The following PPP1R1C variants were observed in gnomAD, a reference collection of about 807,000 sequenced individuals.
PPP1R1C encodes protein phosphatase 1 regulatory subunit 1C.
PPP1R1C carries 15 observed loss-of-function variants against 17.4 expected under a neutral mutation model. That is an observed-to-expected ratio of 0.86 (90% CI 0.58 to 1.33). PPP1R1C has a LOEUF of 1.33. Ranked by LOEUF, PPP1R1C falls within the 40% of genes most tolerant of loss-of-function variation. PPP1R1C has a pLI of 0.00. For missense variants in PPP1R1C, 143 were observed against 130.0 expected, an observed-to-expected ratio of 1.10 and a Z score of -0.48; for synonymous variants, 35 against 43.1, an observed-to-expected ratio of 0.81 and a Z score of 0.73.
chr2:181,974,538 T>G (rs1286053264), intron 1 of PPP1R1C, among the ~76,000 whole-genome samples: 1 of 152,208 alleles, frequency 6.6e-6, no homozygotes, highest in Non-Finnish European at 1.5e-5. Flanking sequence ...TTGGTATCCA[T>G]TCTGAGATTG....
At chr2:182,013,699 G>T (rs1485439957) in intron 2 of PPP1R1C, among the ~76,000 whole-genome samples, 1 of 151,946 alleles carries the variant, frequency 6.6e-6, no homozygotes. Flanking sequence ...TCTAGATCTT[G>T]CAGGCATGCT....
intron 2 of PPP1R1C, among the ~76,000 whole-genome samples, chr2:182,060,931 A>G (rs1487877453): frequency 6.6e-6 from 1 of 152,156 alleles, no homozygotes; most frequent in Non-Finnish European, 1.5e-5. Flanking sequence ...CCACCCAAGC[A>G]CTGTCATAAG....
chr2:182,011,004 T>C (rs1686074548), intron 2 of PPP1R1C, among the ~76,000 whole-genome samples: 1 of 152,156 alleles, frequency 6.6e-6, no homozygotes, highest in Admixed American at 6.5e-5. Flanking sequence ...CTTTTTAATG[T>C]GTTATTGAAT....
At chr2:182,065,905 T>C (rs182644424) in intron 4 of PPP1R1C, among the ~76,000 whole-genome samples, 5 of 152,292 alleles carry the variant, frequency 3.3e-5, no homozygotes, top group African/African-American at 1.2e-4. Flanking sequence ...ATGTCAGTTA[T>C]ACCTGTTATT....
intron 4 of PPP1R1C, among the ~76,000 whole-genome samples, chr2:182,073,008 C>T (rs1688183768): frequency 2.0e-5 from 3 of 152,222 alleles, no homozygotes; most frequent in South Asian, 2.1e-4. Flanking sequence ...CCTGCCTTGC[C>T]TCCGGCCACA....
rs56334736 is a variant in PPP1R1C, at chr2:182,050,208, C to T, written c.143-11234C>T. On this transcript the variant is annotated intron_variant, in intron 2 of 4. Coordinates refer to ENST00000682840, the MANE Select transcript of PPP1R1C (RefSeq NM_001080545.3). ...GCAAGTTTTTTGTTTGTTTACTTTC[C>T]TAGTTTTATATAGATTATCCCCTAT... Among the ~76,000 whole-genome samples, 176 of 152,240 alleles carry T rather than the reference C, an allele frequency of 1.2e-3. 1 individual carries two copies. The highest frequency in any genetic ancestry group is 3.4e-3 in the Middle Eastern group (1 of 294).
chr2:181,996,026 A>G (rs947027761), intron 2 of PPP1R1C, among the ~76,000 whole-genome samples: 2 of 152,184 alleles, frequency 1.3e-5, no homozygotes, highest in African/African-American at 4.8e-5. Context: ...GCTCCATCCA[A>G]GGCTTTCAAA....
chr2:181,981,449 A>G (rs1559044248), upstream of PPP1R1C, among the ~76,000 whole-genome samples: 1 of 152,204 alleles, frequency 6.6e-6, no homozygotes, highest in African/African-American at 2.4e-5. Flanking sequence ...GCATGGTTGA[A>G]CTTATAGGAC....
Position 182,063,747 on chromosome 2 carries a change from C to G in PPP1R1C, c.197C>G (p.Pro66Arg). 1 of 1,612,814 alleles carries G rather than the reference C, an allele frequency of 6.2e-7. No homozygotes were observed. Among genetic ancestry groups the G allele is most frequent in the Non-Finnish European group, 8.5e-7 (1 of 1,179,084 alleles). Residue 66 changes from proline (P) to arginine (R), a missense_variant, in exon 4 of 5, where the codon CCT becomes CGT. Physicochemically the swap from Pro to Arg is moderately radical, Grantham distance 103 (BLOSUM62 -2). Transcript: ENST00000682840. ...TCTCCACAGTTACAGAATGCATCCC[C>G]TAAGCAAAGGAAGCAGAGTGTGTAC... is the stretch of plus-strand genomic sequence containing the variant. ...NTQGELQNAS[P>R]KQRKQSVYTP...
In PPP1R1C at chr2:182,067,609, C is replaced by G. The variant is rs1300266620; in HGVS notation, c.241+3818C>G. On this transcript the variant is annotated intron_variant, in intron 4 of 4. Coordinates refer to ENST00000682840, the MANE Select transcript of PPP1R1C (RefSeq NM_001080545.3). The stretch of plus-strand genomic sequence containing the variant: ...TGGCGGACAAGCCATCACGGTTCCA[C>G]CCTCAATGCCACCACTTATTAGCTG... 5.9e-5 allele frequency among the ~76,000 whole-genome samples: 9 copies of G among 152,282 alleles called. No homozygotes were observed. The East Asian group carries it at 1.7e-3, about 29-fold the overall frequency.
intron 2 of PPP1R1C, among the ~76,000 whole-genome samples, chr2:182,051,957 C>T (rs758004003): frequency 6.6e-6 from 1 of 151,516 alleles, no homozygotes; most frequent in Non-Finnish European, 1.5e-5. Context: ...CCGCTGAGAT[C>T]GCGCCGTTGC....
chr2:182,035,372 T>G (rs978648119), intron 2 of PPP1R1C, among the ~76,000 whole-genome samples: 5 of 152,246 alleles, frequency 3.3e-5, no homozygotes, highest in Non-Finnish European at 5.9e-5. Flanking sequence ...ACTGTAAGCC[T>G]CTAACAAATC....
At chr2:182,072,112 G>A (rs894051771) in intron 4 of PPP1R1C, among the ~76,000 whole-genome samples, 1 of 152,198 alleles carries the variant, frequency 6.6e-6, no homozygotes, top group Non-Finnish European at 1.5e-5. Flanking sequence ...GTCCATTAAT[G>A]TAGGCGCTAT....
At chr2:182,083,894 C>T (rs1235858676) in intron 4 of PPP1R1C, among the ~76,000 whole-genome samples, 9 of 152,056 alleles carry the variant, frequency 5.9e-5, no homozygotes, top group Admixed American at 2.6e-4. Context: ...AGTGTATAAG[C>T]GTTCTCTTTC....
intron 4 of PPP1R1C, among the ~76,000 whole-genome samples, chr2:182,087,833 TG>T (rs1688672629): frequency 6.6e-6 from 1 of 152,222 alleles, no homozygotes. Context: ...TATTTTTCTT[TG>T]TTGCTCAAAA....
At chr2:182,081,978 T>G (rs1688493719) in intron 4 of PPP1R1C, among the ~76,000 whole-genome samples, 1 of 152,208 alleles carries the variant, frequency 6.6e-6, no homozygotes, top group Non-Finnish European at 1.5e-5. Context: ...CATACCTCCC[T>G]ATGCCTATTT....
intron 2 of PPP1R1C, among the ~76,000 whole-genome samples, chr2:181,978,217 C>CCCTG (rs1272720693): frequency 6.6e-6 from 1 of 152,162 alleles, no homozygotes; most frequent in Non-Finnish European, 1.5e-5. Context: ...CTCCACCTGG[C>CCCTG]CCTGCCCTTA....
At chr2:181,990,919 A>G (rs1171296145) in intron 2 of PPP1R1C, among the ~76,000 whole-genome samples, 1 of 152,246 alleles carries the variant, frequency 6.6e-6, no homozygotes, top group Non-Finnish European at 1.5e-5. Context: ...GCCAGGGAAT[A>G]ATTGGCTGTT....
At chr2:181,954,875 T>C (rs1684645218) in intron 1 of PPP1R1C, among the ~76,000 whole-genome samples, 1 of 152,158 alleles carries the variant, frequency 6.6e-6, no homozygotes, top group Admixed American at 6.5e-5. Flanking sequence ...CATGTCTCCA[T>C]ACATAAATAT....
Sources: allele counts gnomAD v4.1 joint callset (sites outside exome capture counted in the v4.1 genomes callset), GRCh38; gene constraint gnomAD v4.1.1; transcripts MANE v1.5; gene names NCBI Gene and HGNC (gene_info 2026-07-23, HGNC 2026-07-21).